LCT: variants seen among roughly 807,000 people sequenced by gnomAD.
LCT encodes lactase, also known as lactase/phlorizin hydrolase.
In LCT, 90 loss-of-function variants were observed where a neutral mutation model predicts 173.0. The observed-to-expected ratio is 0.52, with a 90% CI of 0.44 to 0.62. LCT has a LOEUF of 0.62. Ranked by LOEUF, LCT falls within the 20% of genes least tolerant of loss-of-function variation. The pLI is 0.00. For synonymous variants in LCT, 853 were observed against 957.6 expected (o/e 0.89, Z 2.02); for missense variants, 1,864 against 2,431.4 (o/e 0.77, Z 4.91).
chr2:135,798,410 T>G (rs1367598040), intron 12 of LCT, among the ~76,000 whole-genome samples: 4 of 152,220 alleles, frequency 2.6e-5, no homozygotes, highest in African/African-American at 9.6e-5. Flanking sequence ...ACCTGGGCAC[T>G]GGCCCTGGTG....
intron 7 of LCT, 80 bp downstream of exon 7, chr2:135,812,231 T>C: frequency 1.7e-6 from 2 of 1,202,396 alleles, no homozygotes. Flanking sequence ...GGAGACTTTC[T>C]TTGTCTTATT....
chr2:135,830,822 T>C (rs2077931536), intron 2 of LCT, among the ~76,000 whole-genome samples: 1 of 152,192 alleles, frequency 6.6e-6, no homozygotes, highest in East Asian at 1.9e-4. Flanking sequence ...CGTCACTGAG[T>C]TCCTACCTCT....
Position 135,818,012 on chromosome 2 carries a change from G to A in LCT, c.1036C>T (p.Gln346Ter). 2 of 1,613,402 alleles carry A rather than the reference G, an allele frequency of 1.2e-6. No homozygotes were observed. The highest frequency in any genetic ancestry group is 1.7e-6 in the Non-Finnish European group (2 of 1,179,988). ...GAGGAGTCCGTGGTCTCGTGGTCCTGCTGCTGGTCAGGCTGAAGGGCCAGG... is the reference window on the plus strand; with the variant it reads ...GAGGAGTCCGTGGTCTCGTGGTCCTACTGCTGGTCAGGCTGAAGGGCCAGG... ...GSLALQPDQQQDHETTDSSPA... is the reference protein window; with the variant it reads ...GSLALQPDQQ The change falls in exon 6 of 17, where the codon CAG becomes TAG. Residue 346 changes from glutamine to a stop codon, truncating the protein, a stop_gained. Transcript: ENST00000264162. LOFTEE classifies it high-confidence loss of function.
At chr2:135,827,034 A>G (rs2077894604) in intron 3 of LCT, among the ~76,000 whole-genome samples, 1 of 152,004 alleles carries the variant, frequency 6.6e-6, no homozygotes, top group Non-Finnish European at 1.5e-5. Context: ...GCTGGAGTGC[A>G]GTGGCGCCAT....
intron 3 of LCT, among the ~76,000 whole-genome samples, chr2:135,826,966 G>T (rs947371304): frequency 6.6e-6 from 1 of 151,954 alleles, no homozygotes; most frequent in African/African-American, 2.4e-5. Context: ...CCAAACCCTT[G>T]GACTTCTTTT....
Position 135,809,275 on chromosome 2 carries a change from G to C in LCT, c.3072C>G (p.Pro1024=). ...AGCCTCCGATATCCTGGAGGGCCTG[G>C]GGCAGGTCCCAATGGAACAATGTCA... ...PMVTLFHWDL[P]QALQDIGGWE... The change falls in exon 8 of 17, where the codon CCC becomes CCG. Residue 1024 remains proline (P), a synonymous_variant. Transcript: ENST00000264162. This position sits in a 1 kb window ranked among gnomAD's most constrained non-coding sequence, Gnocchi z 5.5. 6.2e-7 allele frequency: 1 copy of C among 1,614,174 alleles called. No individual in the cohort carries two copies. The highest frequency in any genetic ancestry group is 1.1e-5 in the South Asian group (1 of 91,084).
Position 135,790,955 on chromosome 2 carries a change from A to ACAAAAC in LCT, c.5112-75_5112-74insGTTTTG. On this transcript the variant is annotated intron_variant, in intron 14 of 16. Coordinates refer to ENST00000264162, the MANE Select transcript of LCT (RefSeq NM_002299.4). This position sits in a 1 kb window ranked among gnomAD's most constrained non-coding sequence, Gnocchi z 4.1. ...AGGCCCTTTACACGAAACACAAAAC[A>ACAAAAC]GGACTTAGACCAGGAAAAGCCTTAG... is the stretch of plus-strand genomic sequence containing the variant. 9.0e-7 allele frequency: 1 copy of ACAAAAC among 1,107,396 alleles called. No homozygotes were observed. Among genetic ancestry groups the ACAAAAC allele is most frequent in the Non-Finnish European group, 1.4e-6 (1 of 724,910 alleles). The allele number at this position is 1,107,396 out of a possible 1,614,324, so 68.6% of individuals were successfully genotyped here.
chr2:135,824,992 CAAAAA>C (rs5834449), intron 3 of LCT, among the ~76,000 whole-genome samples: 3 of 110,176 alleles, frequency 2.7e-5, no homozygotes, highest in Non-Finnish European at 1.9e-5. Flanking sequence ...GGCTCCATCT[CAAAAA>C]AAAAAAAAAA....
At chr2:135,804,255 A>C in intron 10 of LCT, 127 bp from the exon 11 acceptor site, 1 of 794,296 alleles carries the variant, frequency 1.3e-6, no homozygotes, top group Non-Finnish European at 2.1e-6. Context: ...AGGCTCAAAG[A>C]TTTTTTTCTT....
chr2:135,811,730 G>T (rs1383626241), intron 7 of LCT, among the ~76,000 whole-genome samples: 1 of 151,072 alleles, frequency 6.6e-6, no homozygotes, highest in East Asian at 1.9e-4. Context: ...AGATAATGAG[G>T]CTTGATGACT....
In LCT at chr2:135,795,763, G is replaced by T. The variant is rs114920160; in HGVS notation, c.4977-988C>A. Reference sequence around the variant, plus strand: ...TTCTTCCTTTTTTTTTTCCCAGACAGGGTCTCGCCCTGTCCTCCTGAGGAC... The same window carrying T: ...TTCTTCCTTTTTTTTTTCCCAGACATGGTCTCGCCCTGTCCTCCTGAGGAC... On this transcript the variant is annotated intron_variant, in intron 13 of 16. Transcript: ENST00000264162. Among the ~76,000 whole-genome samples the T allele has an allele frequency of 1.7e-3, 261 of 151,250 alleles. 1 individual carries two copies. Among genetic ancestry groups the T allele is most frequent in the African/African-American group, 5.9e-3 (242 of 41,214 alleles).
intron 5 of LCT, among the ~76,000 whole-genome samples, chr2:135,819,780 T>C (rs575494027): frequency 3.3e-5 from 5 of 152,330 alleles, no homozygotes; most frequent in Admixed American, 2.6e-4. Flanking sequence ...CCTCTGCGTA[T>C]CCACGGTGCC....
In LCT at chr2:135,817,871, C is replaced by T; in HGVS notation, c.1177G>A (p.Gly393Arg). 1 of 1,614,082 alleles carries T rather than the reference C, an allele frequency of 6.2e-7. No homozygotes were observed. The highest frequency in any genetic ancestry group is 8.5e-7 in the Non-Finnish European group (1 of 1,180,036). ...CAGCCTCCTTCCACGTTAAAGGCTC[C>T]TGTGGAGGCACCCCAGAGGAAGCCT... is the stretch of plus-strand genomic sequence containing the variant. ...PEGFLWGAST[G>R]AFNVEGGWAE... is the part of the protein sequence containing the mutation. Residue 393 changes from glycine to arginine, a missense_variant, in exon 6 of 17, where the codon GGA (glycine) becomes AGA (arginine). Physicochemically the swap from Gly to Arg is moderately radical, Grantham distance 125 (BLOSUM62 -2). Around this residue, in one of 4 missense-constraint regions of LCT, gnomAD observed 183 missense variants for 293.1 expected, o/e 0.62. Transcript: ENST00000264162.
chr2:135,815,996 C>T lies in LCT; in HGVS notation c.1707+1345G>A, dbSNP rs193268403. ...GATTACAGGCGTGAGCCACCATGCC[C>T]GGCCGGAAATACTCATCTTTAAGAA... On this transcript the variant is annotated intron_variant, in intron 6 of 16. Coordinates refer to ENST00000264162, the MANE Select transcript of LCT (RefSeq NM_002299.4). Among the ~76,000 whole-genome samples, 482 of 152,196 alleles carry T rather than the reference C, an allele frequency of 3.2e-3. 5 individuals carry two copies. The highest frequency in any genetic ancestry group is 0.021 in the Admixed American group (327 of 15,284).
intron 5 of LCT, 102 bp from the exon 6 acceptor site, chr2:135,818,163 A>G: frequency 7.2e-7 from 1 of 1,392,996 alleles, no homozygotes; most frequent in Non-Finnish European, 1.0e-6. Context: ...AAAAGATTCC[A>G]GAAACACTGA....
rs181509064 is a variant in LCT at position 135,824,557 on chromosome 2, T to A, written c.805-554A>T. On this transcript the variant is annotated intron_variant, in intron 3 of 16. Coordinates refer to ENST00000264162, the MANE Select transcript of LCT (RefSeq NM_002299.4). Reference sequence around the variant, plus strand: ...TCCTGTCTCTAAAAAAAATTTTTTTTAATTAAAAATCTAGTTTGGGAGATA... The same window carrying A: ...TCCTGTCTCTAAAAAAAATTTTTTTAAATTAAAAATCTAGTTTGGGAGATA... Among the ~76,000 whole-genome samples the A allele has an allele frequency of 7.1e-4, 108 of 152,266 alleles. 1 individual carries two copies. Among genetic ancestry groups the A allele is most frequent in the African/African-American group, 2.3e-3 (97 of 41,558 alleles).
chr2:135,798,246 T>A (rs1259020166), intron 12 of LCT, 108 bp from the exon 13 acceptor site: 3 of 751,424 alleles, frequency 4.0e-6, no homozygotes, highest in African/African-American at 3.4e-5. Flanking sequence ...CTCCTTTTCC[T>A]GGACCCCCAG....
At position 135,817,581 on chromosome 2, in the gene LCT, G is replaced by A. The variant is rs1372275928; in HGVS notation, c.1467C>T (p.Ile489=). The A allele has an allele frequency of 5.0e-6, 8 of 1,614,022 alleles. No individual in the cohort carries two copies. The highest frequency in any genetic ancestry group is 2.7e-5 in the African/African-American group (2 of 74,932). ...KLIDRLQDAG[I]EPMATLFHWD... ...AGTGGAACAGCGTGGCCATGGGCTC[G>A]ATGCCCGCATCCTGTAGCCTGTCAA... is the stretch of plus-strand genomic sequence containing the variant. The change falls in exon 6 of 17, where the codon ATC becomes ATT. Residue 489 remains isoleucine (I), a synonymous_variant. Coordinates refer to ENST00000264162, the MANE Select transcript of LCT (RefSeq NM_002299.4).
In LCT at chr2:135,836,933, G is replaced by A. The variant is rs1679416304; in HGVS notation, c.237C>T (p.Leu79=). ...TATAATGGGTGATCTGACTGGCATG[G>A]AGACTGCTGAAGTATTCTGGCAGGA... ...PTFLPEYFSS[L]HASQITHYKV... is the part of the protein sequence containing the mutation. The change falls in exon 1 of 17, where the codon CTC becomes CTT. Residue 79 remains leucine (L), a synonymous_variant. Transcript: ENST00000264162. 6.2e-7 allele frequency: 1 copy of A among 1,614,160 alleles called. No homozygotes were observed. The highest frequency in any genetic ancestry group is 1.7e-5 in the Admixed American group (1 of 60,018).
Sources: gnomAD v4.1 joint callset for allele counts (sites outside exome capture counted in the v4.1 genomes callset) on GRCh38, gnomAD v4.1.1 for gene constraint, gnomAD v4.1.1 regional missense constraint, Gnocchi (gnomAD v3.1) non-coding constraint, MANE v1.5 for transcripts, NCBI Gene and HGNC (gene_info 2026-07-23, HGNC 2026-07-21) for gene names.